The following TRIML2 variants were observed in gnomAD, a reference collection of about 807,000 sequenced individuals.
TRIML2 encodes the protein tripartite motif family like 2, also known as probable E3 ubiquitin-protein ligase TRIML2.
TRIML2 carries 28 observed loss-of-function variants against 31.2 expected under a neutral mutation model. That is an observed-to-expected ratio of 0.90 (90% confidence interval 0.66 to 1.23). The LOEUF is 1.23. Ranked by LOEUF, TRIML2 falls within the 50% of genes most tolerant of loss-of-function variation. The probability of loss-of-function intolerance (pLI) is 0.00; values close to 1 mark genes in which losing one functional copy is unlikely to be tolerated. For missense variants in TRIML2, 536 were observed against 528.3 expected, an observed-to-expected ratio of 1.01 and a Z score of -0.14; for synonymous variants, 187 against 197.5, an observed-to-expected ratio of 0.95 and a Z score of 0.45.
At position 188,105,547 on chromosome 4, in the gene TRIML2, C is replaced by A. The variant is rs146469716; in HGVS notation, c.-179G>T. The A allele has an allele frequency of 4.7e-5, 21 of 451,332 alleles. No homozygotes were observed. Among genetic ancestry groups the A allele is most frequent in the Non-Finnish European group, 8.2e-5 (21 of 255,246 alleles). 28.0% of individuals were successfully genotyped at this position (451,332 alleles called of 1,614,324 possible). A position where few individuals can be genotyped will look rare whatever the true frequency, so the allele number is the denominator to read the frequency against. On this transcript the variant is annotated 5_prime_UTR_variant, in exon 2 of 8. Transcript: ENST00000682553. Reference sequence around the variant, plus strand: ...AGTCCACGCAGACAGAGCGGGTCGGCGCTCTGGACTCCTCAAATCCAACAA... The same window carrying A: ...AGTCCACGCAGACAGAGCGGGTCGGAGCTCTGGACTCCTCAAATCCAACAA...
intron 7 of TRIML2, chr4:188,092,645 G>C (rs533973422): frequency 5.2e-6 from 2 of 384,368 alleles, no homozygotes; most frequent in Non-Finnish European, 1.0e-5. Flanking sequence ...TCCCGATGCC[G>C]TACTCTACAC....
At chr4:188,097,810 G>C (rs552709994) in intron 5 of TRIML2, among the ~76,000 whole-genome samples, 2 of 152,236 alleles carry the variant, frequency 1.3e-5, no homozygotes, top group East Asian at 3.9e-4. Context: ...GCCCAGGAGA[G>C]GGATATGGAC....
chr4:188,096,527 TCAAAAAAAAAA>T (rs1733522550), intron 7 of TRIML2, among the ~76,000 whole-genome samples: 1 of 12,900 alleles, frequency 7.8e-5, no homozygotes, highest in Non-Finnish European at 1.3e-4. Flanking sequence ...AAACTCTGTC[TCAAAAAAAAAA>T]AAAAAAAAAA....
chr4:188,103,984 C>T (rs1434220574), intron 3 of TRIML2, among the ~76,000 whole-genome samples: 4 of 152,104 alleles, frequency 2.6e-5, no homozygotes, highest in African/African-American at 4.8e-5. Context: ...ATCGGGGATA[C>T]CTTGCACAGA....
At chr4:188,098,382 A>G in intron 5 of TRIML2, 2 of 338,316 alleles carry the variant, frequency 5.9e-6, no homozygotes, top group East Asian at 8.0e-5. Flanking sequence ...CTCTTTTATA[A>G]GAGCCCTAAT....
rs139443998 is a variant in TRIML2 at position 188,092,434 on chromosome 4, C to G, written c.746-493G>C. ...CGAGATCACACCACTGCACTCCAGC[C>G]TGGGCGACAGAGCAAGACTCCATCT... On this transcript the variant is annotated intron_variant, in intron 7 of 7. Coordinates refer to ENST00000682553, the MANE Select transcript of TRIML2 (RefSeq NM_173553.4). Among the ~76,000 whole-genome samples the G allele has an allele frequency of 1.6e-4, 25 of 151,844 alleles. No individual in the cohort carries two copies. The East Asian group carries it at 4.5e-3, about 27-fold the overall frequency.
rs1028303662 is a variant in TRIML2 at position 188,098,533 on chromosome 4, C to A, written c.621+502G>T. The A allele has an allele frequency of 2.6e-5, 5 of 195,568 alleles. No homozygotes were observed. The East Asian group carries it at 6.5e-4, about 25-fold the overall frequency. 12.1% of individuals were successfully genotyped at this position (195,568 alleles called of 1,614,324 possible). On this transcript the variant is annotated intron_variant, in intron 5 of 7. Coordinates refer to ENST00000682553, the MANE Select transcript of TRIML2 (RefSeq NM_173553.4). ...ATTCAGATCATAGCAGATAATCTCA[C>A]CCTTGTTTCAAGATTATCACAGATG...
In TRIML2 at chr4:188,109,335, G is replaced by A. The variant is rs991264090; in HGVS notation, c.-315C>T. 1 of 135,428 alleles carries A rather than the reference G, an allele frequency of 7.4e-6. No homozygotes were observed. Among genetic ancestry groups the A allele is most frequent in the African/African-American group, 2.9e-5 (1 of 34,488 alleles). The allele number at this position is 135,428 out of a possible 1,614,324, so 8.4% of individuals were successfully genotyped here. A position where few individuals can be genotyped will look rare whatever the true frequency, so the allele number is the denominator to read the frequency against. On this transcript the variant is annotated 5_prime_UTR_variant, in exon 1 of 8. Transcript: ENST00000682553. Reference sequence around the variant, plus strand: ...TCTGTCACCCAGGCTGGAATGCAGTGGCGCAATCTCGGCTCACTACAGCCT... The same window carrying A: ...TCTGTCACCCAGGCTGGAATGCAGTAGCGCAATCTCGGCTCACTACAGCCT...
chr4:188,097,124 G>A lies in TRIML2; in HGVS notation c.682C>T (p.His228Tyr), dbSNP rs150164283. 1.8e-4 allele frequency: 298 copies of A among 1,614,100 alleles called. 2 individuals are homozygous for A. The East Asian group carries it at 6.5e-3, about 35-fold the overall frequency. Residue 228 changes from histidine (H) to tyrosine (Y), a missense_variant, in exon 7 of 8, where the codon CAT becomes TAT. Transcript: ENST00000682553. ...SLLLEHLEPA[H>Y]ITDLSLCHIR... ...TGGCATAAACTCAGGTCTGTGATAT[G>A]AGCGGGCTCCAGATGCTCAAGCAGC...
rs1733992914 is a variant in TRIML2, at chr4:188,105,574, T to C, written c.-206A>G. ...CTCTGGACTCCTCAAATCCAACAAA[T>C]TTCTGGCAGCTGCCTGCTTGGGGAA... On this transcript the variant is annotated 5_prime_UTR_variant, in exon 2 of 8. Transcript: ENST00000682553. 4.8e-6 allele frequency: 2 copies of C among 420,848 alleles called. No individual in the cohort carries two copies. The highest frequency in any genetic ancestry group is 3.2e-5 in the East Asian group (1 of 31,140). The allele number at this position is 420,848 out of a possible 1,614,324, so 26.1% of individuals were successfully genotyped here. A position where few individuals can be genotyped will look rare whatever the true frequency, so the allele number is the denominator to read the frequency against.
intron 3 of TRIML2, among the ~76,000 whole-genome samples, chr4:188,102,508 T>G (rs1206889592): frequency 1.3e-5 from 2 of 152,234 alleles, no homozygotes; most frequent in East Asian, 1.9e-4. Context: ...GGGATATATA[T>G]TTGAAAGTAG....
At position 188,091,516 on chromosome 4, in the gene TRIML2, G is replaced by A; in HGVS notation, c.1171C>T (p.Leu391Phe). The change falls in exon 8 of 8, where the codon CTC (leucine) becomes TTC (phenylalanine). Residue 391 changes from leucine to phenylalanine, a missense_variant. Transcript: ENST00000682553. Reference sequence around the variant, plus strand: ...GCGCAATGGGAGAAATTGTAAATGAGGGACATCTCGGTCACATTGTAGAAT... The same window carrying A: ...GCGCAATGGGAGAAATTGTAAATGAAGGACATCTCGGTCACATTGTAGAAT... ...ISFYNVTEMS[L>F]IYNFSHCAFQ... 1 of 1,614,128 alleles carries A rather than the reference G, an allele frequency of 6.2e-7. No homozygotes were observed. Among genetic ancestry groups the A allele is most frequent in the Middle Eastern group, 1.6e-4 (1 of 6,062 alleles).
intron 5 of TRIML2, 71 bp downstream of exon 5, chr4:188,098,964 A>T: frequency 6.4e-7 from 1 of 1,557,776 alleles, no homozygotes; most frequent in African/African-American, 1.4e-5. Context: ...AGCAACCCCT[A>T]ATGAGTACTG....
At chr4:188,101,552 G>T (rs1422987932) in intron 3 of TRIML2, among the ~76,000 whole-genome samples, 1 of 151,604 alleles carries the variant, frequency 6.6e-6, no homozygotes, top group Non-Finnish European at 1.5e-5. Context: ...AAATTAGCTG[G>T]GCGTGGTGGG....
At position 188,099,089 on chromosome 4, in the gene TRIML2, C is replaced by T; in HGVS notation, c.567G>A (p.Lys189=). The T allele has an allele frequency of 2.5e-6, 4 of 1,614,158 alleles. No individual in the cohort carries two copies. Among genetic ancestry groups the T allele is most frequent in the Non-Finnish European group, 3.4e-6 (4 of 1,180,024 alleles). ...RASEQVRSLL[K]LIVELEKKCG... The stretch of plus-strand genomic sequence containing the variant: ...ACTTTTTCTCAAGCTCCACGATGAG[C>T]TTTAGGAGGCTGCGGACCTGTTCAG... The change falls in exon 5 of 8, where the codon AAG becomes AAA. Residue 189 remains lysine (K), a synonymous_variant. Coordinates refer to ENST00000682553, the MANE Select transcript of TRIML2 (RefSeq NM_173553.4).
chr4:188,099,625 CAGGAACAGACATAATTAGGCA>C (rs1429556093), intron 4 of TRIML2, among the ~76,000 whole-genome samples: 2 of 151,934 alleles, frequency 1.3e-5, no homozygotes, highest in African/African-American at 4.8e-5. Flanking sequence ...CCTGCTACCC[CAGGAACAGACATAATTAGGCA>C]AGGCCATGAT....
At chr4:188,098,111 C>G (rs1257816771) in intron 5 of TRIML2, 1 of 279,496 alleles carries the variant, frequency 3.6e-6, no homozygotes, top group African/African-American at 2.5e-5. Context: ...TAGAGCGAGA[C>G]TCCGTCTCGG....
intron 5 of TRIML2, chr4:188,098,482 C>A (rs2111168688): frequency 4.7e-6 from 1 of 211,700 alleles, no homozygotes; most frequent in Non-Finnish European, 9.9e-6. Flanking sequence ...AGGATTTCAA[C>A]ATATATATTT....
rs750830403 is a variant in TRIML2 at position 188,104,838 on chromosome 4, TG to T, written c.283del (p.Gln95ArgfsTer10). On this transcript the variant is annotated frameshift_variant and splice_region_variant, in exon 3 of 8. Coordinates refer to ENST00000682553, the MANE Select transcript of TRIML2 (RefSeq NM_173553.4). LOFTEE classifies it high-confidence loss of function. ...TDEQERMAMI[Q>X]EEEQNFKKMI... ...GAATCAAGATAAGCACTCACTGACC[TG>T]AATCATCGCCATTCTTTCTTGCTCA... The T allele has an allele frequency of 1.2e-6, 2 of 1,612,950 alleles. No individual in the cohort carries two copies. Among genetic ancestry groups the T allele is most frequent in the South Asian group, 2.2e-5 (2 of 91,060 alleles).
Sources: gnomAD v4.1 joint callset for allele counts (sites outside exome capture counted in the v4.1 genomes callset) on GRCh38, gnomAD v4.1.1 for gene constraint, MANE v1.5 for transcripts, NCBI Gene and HGNC (gene_info 2026-07-23, HGNC 2026-07-21) for gene names.